SLC44A3: variants seen among roughly 807,000 people sequenced by gnomAD.
SLC44A3 encodes solute carrier family 44 member 3.
A neutral mutation model predicts 75.4 loss-of-function variants in SLC44A3; 74 were observed. That is an observed-to-expected ratio of 0.98 (90% CI 0.81 to 1.19). SLC44A3 has a LOEUF of 1.19. Among genes scored for constraint, SLC44A3 ranks in the 50% most tolerant of loss-of-function variants. SLC44A3 has a pLI of 0.00. For synonymous variants in SLC44A3, 310 were observed against 296.9 expected (o/e 1.04, Z -0.45); for missense variants, 700 against 778.6 (o/e 0.90, Z 1.20).
At chr1:94,821,887 A>G (rs1333426565) in intron 2 of SLC44A3, among the ~76,000 whole-genome samples, 4 of 152,232 alleles carry the variant, frequency 2.6e-5, no homozygotes, top group Non-Finnish European at 5.9e-5. Flanking sequence ...CAAGTAAGAA[A>G]GGCATTTGTT....
At chr1:94,888,637 C>T in intron 12 of SLC44A3, 1 of 954,138 alleles carries the variant, frequency 1.0e-6, no homozygotes. Flanking sequence ...CCTTGTGGAA[C>T]TTTCTTTTTT....
chr1:94,821,218 T>G (rs1433192185), intron 2 of SLC44A3, among the ~76,000 whole-genome samples, 162 bp downstream of exon 2: 1 of 152,208 alleles, frequency 6.6e-6, no homozygotes, highest in Non-Finnish European at 1.5e-5. Context: ...TGTCCTAGAC[T>G]CGCTAGAAAG....
At chr1:94,852,706 A>G (rs1665370760) in intron 9 of SLC44A3, among the ~76,000 whole-genome samples, 1 of 152,152 alleles carries the variant, frequency 6.6e-6, no homozygotes, top group Non-Finnish European at 1.5e-5. Context: ...ATAATGTTGG[A>G]AGTGGCATGA....
intron 5 of SLC44A3, among the ~76,000 whole-genome samples, chr1:94,828,885 G>A (rs1482905688): frequency 1.3e-5 from 2 of 152,094 alleles, no homozygotes; most frequent in African/African-American, 4.8e-5. Flanking sequence ...TATTACTAAC[G>A]GGGTGATTTT....
intron 12 of SLC44A3, among the ~76,000 whole-genome samples, chr1:94,873,356 T>C (rs1667960237): frequency 6.6e-6 from 1 of 152,164 alleles, no homozygotes; most frequent in Non-Finnish European, 1.5e-5. Context: ...TGTTGCCTCT[T>C]GCTATTTGAT....
chr1:94,884,267 G>A (rs1239881496), intron 12 of SLC44A3, among the ~76,000 whole-genome samples: 1 of 129,538 alleles, frequency 7.7e-6, no homozygotes, highest in Non-Finnish European at 1.7e-5. Flanking sequence ...GGTGACCGGT[G>A]CATTCCTGAA....
At chr1:94,841,712 C>G (rs572443896) in intron 7 of SLC44A3, among the ~76,000 whole-genome samples, 32 of 152,342 alleles carry the variant, frequency 2.1e-4, no homozygotes, top group African/African-American at 7.0e-4. Flanking sequence ...CTGCTCGCAT[C>G]CAGACCCAAC....
chr1:94,870,272 A>G (rs1037918900), intron 12 of SLC44A3, among the ~76,000 whole-genome samples: 1 of 152,236 alleles, frequency 6.6e-6, no homozygotes, highest in Non-Finnish European at 1.5e-5. Context: ...CCTGGGCATA[A>G]TAGGGACCAG....
intron 4 of SLC44A3, among the ~76,000 whole-genome samples, chr1:94,828,231 A>G (rs1252783961): frequency 6.6e-6 from 1 of 152,250 alleles, no homozygotes. Flanking sequence ...TCAAGCTTCT[A>G]CAAGAAATTG....
chr1:94,864,361 C>G (rs1227221527), intron 10 of SLC44A3, among the ~76,000 whole-genome samples: 2 of 152,140 alleles, frequency 1.3e-5, no homozygotes, highest in African/African-American at 4.8e-5. Context: ...CAGGTGAATG[C>G]TGGCAATATT....
chr1:94,878,305 G>A (rs1254589805), intron 12 of SLC44A3, among the ~76,000 whole-genome samples: 3 of 151,952 alleles, frequency 2.0e-5, no homozygotes, highest in Admixed American at 6.6e-5. Flanking sequence ...AGAATGCGAG[G>A]CTCCTGACCT....
At chr1:94,841,135 G>T (rs1663576025) in intron 7 of SLC44A3, among the ~76,000 whole-genome samples, 1 of 152,156 alleles carries the variant, frequency 6.6e-6, no homozygotes. Flanking sequence ...TGCACAGCAT[G>T]CTACTGTACA....
chr1:94,880,517 A>G (rs949889633), intron 12 of SLC44A3, among the ~76,000 whole-genome samples: 1 of 152,192 alleles, frequency 6.6e-6, no homozygotes, highest in African/African-American at 2.4e-5. Flanking sequence ...CAACCTCAGT[A>G]CTGATTCCAT....
At chr1:94,860,066 T>C (rs1337969491) in intron 10 of SLC44A3, among the ~76,000 whole-genome samples, 1 of 152,122 alleles carries the variant, frequency 6.6e-6, no homozygotes, top group Non-Finnish European at 1.5e-5. Flanking sequence ...TTATTAAACA[T>C]GATGAATGCC....
chr1:94,841,152 G>A (rs971031406), intron 7 of SLC44A3, among the ~76,000 whole-genome samples: 6 of 152,102 alleles, frequency 3.9e-5, no homozygotes, highest in Non-Finnish European at 7.4e-5. Context: ...TACAGAATAC[G>A]GTTGGCAGCT....
chr1:94,878,131 G>A (rs1293146239), intron 12 of SLC44A3, among the ~76,000 whole-genome samples: 1 of 152,080 alleles, frequency 6.6e-6, no homozygotes, highest in African/African-American at 2.4e-5. Context: ...CTACTCGGGA[G>A]GCTGAGGCAG....
At chr1:94,892,950 C>A (rs958045603) in intron 14 of SLC44A3, among the ~76,000 whole-genome samples, 1 of 152,240 alleles carries the variant, frequency 6.6e-6, no homozygotes, top group Non-Finnish European at 1.5e-5. Flanking sequence ...GGAGAGCACA[C>A]TTGTGTGCTC....
At chr1:94,852,636 C>T (rs541736972) in intron 9 of SLC44A3, among the ~76,000 whole-genome samples, 1 of 152,262 alleles carries the variant, frequency 6.6e-6, no homozygotes, top group South Asian at 2.1e-4. Flanking sequence ...AAAATCTTGA[C>T]CTGACTACAT....
intron 12 of SLC44A3, among the ~76,000 whole-genome samples, chr1:94,889,758 G>A (rs1449524821): frequency 6.6e-6 from 1 of 151,832 alleles, no homozygotes; most frequent in Non-Finnish European, 1.5e-5. Context: ...AATTATAAAA[G>A]CCATGTAGTA....
Sources: allele counts gnomAD v4.1 joint callset (sites outside exome capture counted in the v4.1 genomes callset), GRCh38; gene constraint gnomAD v4.1.1; transcripts MANE v1.5; gene names NCBI Gene and HGNC (gene_info 2026-07-23, HGNC 2026-07-21).